The following CPA3 variants were observed in gnomAD, a reference collection of about 807,000 sequenced individuals.
CPA3 encodes mast cell carboxypeptidase A.
A neutral mutation model predicts 55.8 loss-of-function variants in CPA3; 52 were observed. The observed-to-expected ratio is 0.93, with a 90% CI of 0.75 to 1.17. The LOEUF (loss-of-function observed/expected upper bound fraction) is 1.17, where lower values mean the gene tolerates loss of function less well. Among genes scored for constraint, CPA3 ranks in the 50% most tolerant of loss-of-function variants. CPA3 has a pLI of 0.00. For missense variants in CPA3, 547 were observed against 509.1 expected, an observed-to-expected ratio of 1.07 and a Z score of -0.72; for synonymous variants, 179 against 171.2, an observed-to-expected ratio of 1.05 and a Z score of -0.36.
intron 5 of CPA3, 92 bp downstream of exon 5, chr3:148,878,840 C>T: frequency 1.4e-6 from 1 of 716,016 alleles, no homozygotes; most frequent in Admixed American, 2.7e-5. Flanking sequence ...TAATTCTGAG[C>T]TAATACATAT....
At chr3:148,894,934 C>G (rs777022922) in intron 10 of CPA3, among the ~76,000 whole-genome samples, 6 of 152,134 alleles carry the variant, frequency 3.9e-5, no homozygotes, top group Non-Finnish European at 7.4e-5. Flanking sequence ...CTCTGAGTTC[C>G]CATTTAACAG....
At chr3:148,879,932 G>A (rs1183289904) in intron 6 of CPA3, 43 bp downstream of exon 6, 2 of 1,346,858 alleles carry the variant, frequency 1.5e-6, no homozygotes, top group Non-Finnish European at 2.1e-6. Context: ...TGACTGCCAA[G>A]TCTCCAGCAC....
At chr3:148,871,886 A>G (rs1463791584) in intron 3 of CPA3, among the ~76,000 whole-genome samples, 2 of 152,204 alleles carry the variant, frequency 1.3e-5, no homozygotes, top group Non-Finnish European at 2.9e-5. Flanking sequence ...AGATAATTTT[A>G]TTTGCATATT....
At chr3:148,871,128 AC>A (rs1313835352) in intron 3 of CPA3, among the ~76,000 whole-genome samples, 1 of 152,052 alleles carries the variant, frequency 6.6e-6, no homozygotes, top group African/African-American at 2.4e-5. Flanking sequence ...TGATCTCCTG[AC>A]CTTGTGATCC....
At chr3:148,878,410 A>G (rs1559967967) in intron 3 of CPA3, 31 bp from the exon 4 acceptor site, 1 of 1,414,758 alleles carries the variant, frequency 7.1e-7, no homozygotes, top group Non-Finnish European at 1.0e-6. Flanking sequence ...TCATGATAAA[A>G]CATGTATTTT....
At chr3:148,889,696 C>T (rs1033862522) in intron 10 of CPA3, among the ~76,000 whole-genome samples, 1 of 151,630 alleles carries the variant, frequency 6.6e-6, no homozygotes, top group Admixed American at 6.6e-5. Context: ...ATGGTGAAAC[C>T]CCATCTCTAC....
At position 148,897,040 on chromosome 3, in the gene CPA3, A is replaced by T. The variant is rs1714849766; in HGVS notation, c.*333A>T. ...CAGATTTTCACCATGTGGCTTCATCAATTTATGTGCTAATACAATAAAATA... is the reference window on the plus strand; with the variant it reads ...CAGATTTTCACCATGTGGCTTCATCTATTTATGTGCTAATACAATAAAATA... On this transcript the variant is annotated 3_prime_UTR_variant, in exon 11 of 11. Transcript: ENST00000296046. The T allele has an allele frequency of 5.3e-6, 1 of 188,262 alleles. No homozygotes were observed. Among genetic ancestry groups the T allele is most frequent in the Admixed American group, 6.0e-5 (1 of 16,786 alleles). The allele number at this position is 188,262 out of a possible 1,614,324, so 11.7% of individuals were successfully genotyped here. A position where few individuals can be genotyped will look rare whatever the true frequency, so the allele number is the denominator to read the frequency against.
intron 10 of CPA3, among the ~76,000 whole-genome samples, chr3:148,893,183 G>A (rs1408711899): frequency 6.6e-6 from 1 of 151,562 alleles, no homozygotes; most frequent in Non-Finnish European, 1.5e-5. Context: ...ATCCACAGAT[G>A]CCAACACTGA....
intron 10 of CPA3, among the ~76,000 whole-genome samples, chr3:148,895,357 T>G (rs1714799117): frequency 6.6e-6 from 1 of 152,074 alleles, no homozygotes; most frequent in Admixed American, 6.6e-5. Flanking sequence ...CAATACCATC[T>G]CCTCCATCAT....
intron 3 of CPA3, among the ~76,000 whole-genome samples, chr3:148,870,944 A>G (rs139190198): frequency 0.024 from 3,580 of 152,198 alleles, 72 homozygotes; most frequent in Middle Eastern, 0.085. Flanking sequence ...TGTCACCCAG[A>G]CTGGAGTGCA....
Position 148,886,891 on chromosome 3 carries a change from CCTT to C in CPA3, c.1066+717_1066+719del, listed in dbSNP as rs576940639. Among the ~76,000 whole-genome samples, 182 of 152,324 alleles carry C rather than the reference CCTT, an allele frequency of 1.2e-3. 1 individual carries two copies. The highest frequency in any genetic ancestry group is 4.2e-3 in the African/African-American group (174 of 41,584). ...TGGTCGTGTAAAACAAGTTATCTCTCCTTCTCACTTGCTCCTTCTCACTATGTT... is the reference window on the plus strand; with the variant it reads ...TGGTCGTGTAAAACAAGTTATCTCTCCTCACTTGCTCCTTCTCACTATGTT... On this transcript the variant is annotated intron_variant, in intron 10 of 10. Transcript: ENST00000296046.
chr3:148,886,157 G>T lies in CPA3; in HGVS notation c.1046G>T (p.Gly349Val). The T allele has an allele frequency of 6.2e-7, 1 of 1,611,426 alleles. No individual in the cohort carries two copies. The highest frequency in any genetic ancestry group is 8.5e-7 in the Non-Finnish European group (1 of 1,178,350). Residue 349 changes from glycine (G) to valine (V), a missense_variant, in exon 10 of 11, where the codon GGC becomes GTC. Coordinates refer to ENST00000296046, the MANE Select transcript of CPA3 (RefSeq NM_001870.4). ...CGATATGAAACCCGCTACATCTATG[G>T]CCCAATAGAATCAACAATTTGTAAG... The part of the protein sequence containing the change: ...STRYETRYIY[G>V]PIESTIYPIS...
chr3:148,874,635 T>C lies in CPA3; in HGVS notation c.270-3806T>C, dbSNP rs549070853. On this transcript the variant is annotated intron_variant, in intron 3 of 10. Coordinates refer to ENST00000296046, the MANE Select transcript of CPA3 (RefSeq NM_001870.4). ...ATGATGTGCTTGTCAGTGCTGCTAATAGGAATCAATATTCATGAGCAGTAC... is the reference window on the plus strand; with the variant it reads ...ATGATGTGCTTGTCAGTGCTGCTAACAGGAATCAATATTCATGAGCAGTAC... 2.6e-5 allele frequency among the ~76,000 whole-genome samples: 4 copies of C among 152,270 alleles called. No individual in the cohort carries two copies. The South Asian group carries it at 8.3e-4, about 32-fold the overall frequency.
In CPA3 at chr3:148,883,639, G is replaced by T. The variant is rs1714435736; in HGVS notation, c.805G>T (p.Ala269Ser). The change falls in exon 9 of 11, where the codon GCA becomes TCA. Residue 269 changes from alanine to serine, a missense_variant. By Grantham distance (99) the Ala-to-Ser change is moderately conservative. Transcript: ENST00000296046. ...NSIPNTNDPCADNYRGSAPES... is the reference protein window; with the variant it reads ...NSIPNTNDPCSDNYRGSAPES... ...CATTCCTAACACCAATGACCCATGT[G>T]CAGATAACTATCGGGGCTCTGCACC... 1 of 1,614,004 alleles carries T rather than the reference G, an allele frequency of 6.2e-7. No individual in the cohort carries two copies. The highest frequency in any genetic ancestry group is 1.3e-5 in the African/African-American group (1 of 75,024).
intron 2 of CPA3, 103 bp downstream of exon 2, chr3:148,865,651 C>T (rs1434030060): frequency 5.9e-6 from 6 of 1,019,796 alleles, no homozygotes; most frequent in Non-Finnish European, 8.8e-6. Context: ...GACTATTGAA[C>T]ATAAGGGGAA....
At chr3:148,884,954 C>T (rs1223197763) in intron 9 of CPA3, among the ~76,000 whole-genome samples, 2 of 151,674 alleles carry the variant, frequency 1.3e-5, no homozygotes, top group Non-Finnish European at 2.9e-5. Flanking sequence ...TGGTTATATA[C>T]GTTATATGTA....
At chr3:148,883,131 T>C (rs1379879850) in intron 8 of CPA3, among the ~76,000 whole-genome samples, 1 of 152,256 alleles carries the variant, frequency 6.6e-6, no homozygotes, top group Non-Finnish European at 1.5e-5. Flanking sequence ...ATATTTCTTC[T>C]GTGCCTAATT....
Position 148,897,191 on chromosome 3 carries a change from A to G in CPA3, c.*484A>G, listed in dbSNP as rs1173262438. 1 of 152,236 alleles carries G rather than the reference A, an allele frequency of 6.6e-6. No individual in the cohort carries two copies. The highest frequency in any genetic ancestry group is 1.5e-5 in the Non-Finnish European group (1 of 68,068). 9.4% of individuals were successfully genotyped at this position (152,236 alleles called of 1,614,324 possible). A position where few individuals can be genotyped will look rare whatever the true frequency, so the allele number is the denominator to read the frequency against. On this transcript the variant is annotated 3_prime_UTR_variant, in exon 11 of 11. Coordinates refer to ENST00000296046, the MANE Select transcript of CPA3 (RefSeq NM_001870.4). ...CTGTTAATAAGAAATAATATCTTCA[A>G]TTTTCAAAAACATAATTTGTCTATC...
Position 148,878,336 on chromosome 3 carries a change from G to A in CPA3, c.270-105G>A, listed in dbSNP as rs949502733. 1.7e-5 allele frequency: 14 copies of A among 828,696 alleles called. No individual in the cohort carries two copies. In the African/African-American group the frequency reaches 1.7e-4, roughly 10 times the overall value. 51.3% of individuals were successfully genotyped at this position (828,696 alleles called of 1,614,324 possible). A position where few individuals can be genotyped will look rare whatever the true frequency, so the allele number is the denominator to read the frequency against. ...AATAATGAAGAAACAGAGCAAACTT[G>A]ATTAAAGATAAAGGAGAAGGAAGAG... On this transcript the variant is annotated intron_variant, in intron 3 of 10. Coordinates refer to ENST00000296046, the MANE Select transcript of CPA3 (RefSeq NM_001870.4).
Sources: allele counts gnomAD v4.1 joint callset (sites outside exome capture counted in the v4.1 genomes callset), GRCh38; gene constraint gnomAD v4.1.1; transcripts MANE v1.5; gene names NCBI Gene and HGNC (gene_info 2026-07-23, HGNC 2026-07-21).